Variants in ARL15 observed in about 807,000 individuals in gnomAD.
The protein encoded by ARL15 is ADP-ribosylation factor-like protein 15.
A neutral mutation model predicts 25.2 loss-of-function variants in ARL15; 19 were observed. The ratio of observed to expected loss-of-function variants is 0.75; its 90% CI spans 0.53 to 1.10. The LOEUF (loss-of-function observed/expected upper bound fraction) is 1.10. ARL15 is among the 50% of genes least tolerant of loss of function. The pLI, the probability that ARL15 is intolerant of heterozygous loss-of-function variation, is 0.00. For synonymous variants in ARL15, 94 were observed against 86.8 expected (o/e 1.08, Z -0.46); for missense variants, 220 against 246.0 (o/e 0.89, Z 0.71).
intron 4 of ARL15, among the ~76,000 whole-genome samples, chr5:54,103,490 C>G (rs1475865090): frequency 1.3e-5 from 2 of 151,748 alleles, no homozygotes; most frequent in Admixed American, 6.6e-5. Flanking sequence ...ATATAAAATT[C>G]TATATAAAGA....
intron 4 of ARL15, among the ~76,000 whole-genome samples, chr5:53,947,314 A>G (rs1746782596): frequency 6.6e-6 from 1 of 151,992 alleles, no homozygotes; most frequent in Admixed American, 6.6e-5. Flanking sequence ...TGGTAAAAGC[A>G]TACAGGTTTC....
intron 1 of ARL15, among the ~76,000 whole-genome samples, chr5:54,278,191 A>C (rs1397418787): frequency 1.3e-5 from 2 of 152,172 alleles, no homozygotes; most frequent in African/African-American, 4.8e-5. Context: ...TCTCAGCACA[A>C]CACCTTTGGA....
In ARL15 at chr5:53,884,064, C is replaced by T. The variant is rs1283253258; in HGVS notation, c.*2497G>A. ...ATCTGTTAGCCTCTAAGTACAGGTA[C>T]AGTATTTTTTTAATAGAAAGACAGG... On this transcript the variant is annotated 3_prime_UTR_variant, in exon 5 of 5. Transcript: ENST00000504924. The T allele has an allele frequency of 6.6e-6, 1 of 152,046 alleles. No individual in the cohort carries two copies. Among genetic ancestry groups the T allele is most frequent in the African/African-American group, 2.4e-5 (1 of 41,398 alleles). The allele number at this position is 152,046 out of a possible 1,614,324, so 9.4% of individuals were successfully genotyped here.
At chr5:54,309,460 A>G (rs981245295) in intron 1 of ARL15, among the ~76,000 whole-genome samples, 1 of 152,222 alleles carries the variant, frequency 6.6e-6, no homozygotes, top group Non-Finnish European at 1.5e-5. Context: ...TGCCAGGCCA[A>G]TCTGCAGTCG....
chr5:54,059,172 T>C (rs1235650226), intron 4 of ARL15, among the ~76,000 whole-genome samples: 3 of 152,330 alleles, frequency 2.0e-5, no homozygotes, highest in African/African-American at 7.2e-5. Context: ...CTAAAGGTCA[T>C]TGCTGTCTTA....
rs775096404 is a variant in ARL15, at chr5:54,171,791, C to T, written c.186G>A (p.Ser62=). ...LCSESPDNVV[S]TTGFSIKAVP... ...CCCCAGCACAGTACCCACCTGTGGT[C>T]GACACGACGTTATCGGGGCTTTCAC... The change falls in exon 2 of 5, where the codon TCG becomes TCA. Residue 62 remains serine, a synonymous_variant. Transcript: ENST00000504924. 2.4e-5 allele frequency: 39 copies of T among 1,611,674 alleles called. No individual in the cohort carries two copies. In the African/African-American group the frequency reaches 2.5e-4, roughly 10 times the overall value.
At chr5:54,000,908 G>A (rs957563357) in intron 4 of ARL15, among the ~76,000 whole-genome samples, 18 of 152,216 alleles carry the variant, frequency 1.2e-4, no homozygotes, top group Admixed American at 7.9e-4. Flanking sequence ...CTGTGCAGTC[G>A]CCTAAGACCC....
At chr5:53,917,377 T>C (rs139877745) in intron 4 of ARL15, among the ~76,000 whole-genome samples, 86 of 152,282 alleles carry the variant, frequency 5.6e-4, no homozygotes, top group African/African-American at 1.9e-3. Context: ...GGAGATAAGA[T>C]ACAGACACCT....
chr5:54,233,700 C>T (rs1287100111), intron 1 of ARL15, among the ~76,000 whole-genome samples: 1 of 152,184 alleles, frequency 6.6e-6, no homozygotes, highest in Non-Finnish European at 1.5e-5. Flanking sequence ...TAAGGAACTA[C>T]CATTTGATTG....
intron 1 of ARL15, among the ~76,000 whole-genome samples, chr5:54,281,955 T>A (rs781767542): frequency 1.3e-5 from 2 of 152,242 alleles, no homozygotes; most frequent in Non-Finnish European, 2.9e-5. Context: ...CATAATTGTT[T>A]AATCCAATCT....
At chr5:53,983,602 A>G (rs1354671901) in intron 4 of ARL15, among the ~76,000 whole-genome samples, 4 of 152,190 alleles carry the variant, frequency 2.6e-5, no homozygotes, top group Non-Finnish European at 5.9e-5. Flanking sequence ...TTTGGACCAT[A>G]GCTACTGTAA....
At chr5:53,997,789 A>G (rs956166488) in intron 4 of ARL15, among the ~76,000 whole-genome samples, 1 of 152,198 alleles carries the variant, frequency 6.6e-6, no homozygotes, top group African/African-American at 2.4e-5. Flanking sequence ...TAAAAAGAAA[A>G]TAAAAAGAGG....
At chr5:53,917,593 A>G (rs1745696123) in intron 4 of ARL15, among the ~76,000 whole-genome samples, 1 of 152,248 alleles carries the variant, frequency 6.6e-6, no homozygotes, top group Non-Finnish European at 1.5e-5. Flanking sequence ...TCTGGGGACT[A>G]CACATCAGAA....
At chr5:54,288,411 C>A (rs901116654) in intron 1 of ARL15, among the ~76,000 whole-genome samples, 1 of 152,188 alleles carries the variant, frequency 6.6e-6, no homozygotes, top group African/African-American at 2.4e-5. Context: ...AGCTTAAAGT[C>A]TACATATAGT....
At chr5:53,910,632 A>T (rs1193762054) in intron 4 of ARL15, among the ~76,000 whole-genome samples, 17 of 85,450 alleles carry the variant, frequency 2.0e-4, no homozygotes, top group African/African-American at 8.3e-4. Context: ...ATAAAAAAAA[A>T]TTATATATAT....
chr5:54,068,321 A>G (rs1751310854), intron 4 of ARL15, among the ~76,000 whole-genome samples: 1 of 152,206 alleles, frequency 6.6e-6, no homozygotes, highest in Non-Finnish European at 1.5e-5. Context: ...TTGCACCAGC[A>G]CCAAGGAACA....
At chr5:53,948,132 AC>A (rs1390892378) in intron 4 of ARL15, among the ~76,000 whole-genome samples, 1 of 152,196 alleles carries the variant, frequency 6.6e-6, no homozygotes, top group Non-Finnish European at 1.5e-5. Flanking sequence ...CATAGCAAAA[AC>A]CCTTGGAAAC....
chr5:54,272,476 G>A, intron 1 of ARL15, among the ~76,000 whole-genome samples: 1 of 152,016 alleles, frequency 6.6e-6, no homozygotes, highest in South Asian at 2.1e-4. Flanking sequence ...AATTCCTAGG[G>A]TGGAAATTTC....
At chr5:54,056,672 AT>A (rs1750879349) in intron 4 of ARL15, among the ~76,000 whole-genome samples, 1 of 151,874 alleles carries the variant, frequency 6.6e-6, no homozygotes, top group African/African-American at 2.4e-5. Flanking sequence ...CATTTTACAA[AT>A]AAAGAAACTG....
Sources: gnomAD v4.1 joint callset for allele counts (sites outside exome capture counted in the v4.1 genomes callset) on GRCh38, gnomAD v4.1.1 for gene constraint, MANE v1.5 for transcripts, NCBI Gene and HGNC (gene_info 2026-07-23, HGNC 2026-07-21) for gene names.